CEP112: variants seen among roughly 807,000 people sequenced by gnomAD.
The protein encoded by CEP112 is centrosomal protein of 112 kDa.
CEP112 carries 127 observed loss-of-function variants against 153.0 expected under a neutral mutation model. The observed-to-expected ratio is 0.83, with a 90% CI of 0.72 to 0.96. The LOEUF (loss-of-function observed/expected upper bound fraction) is 0.96, where lower values mean the gene tolerates loss of function less well. Ranked by LOEUF, CEP112 falls within the 40% of genes least tolerant of loss-of-function variation. CEP112 has a pLI of 0.00. For synonymous variants in CEP112, 358 were observed against 374.4 expected (o/e 0.96, Z 0.51); for missense variants, 1,089 against 1,101.2 (o/e 0.99, Z 0.16).
intron 16 of CEP112, among the ~76,000 whole-genome samples, chr17:66,012,163 C>G (rs1476597885): frequency 1.3e-5 from 2 of 152,128 alleles, no homozygotes; most frequent in African/African-American, 4.8e-5. Flanking sequence ...TGGGTCTTGC[C>G]TCTTTATCCA....
intron 2 of CEP112, 145 bp from the exon 3 acceptor site, chr17:66,177,165 G>A: frequency 1.7e-6 from 1 of 593,766 alleles, no homozygotes; most frequent in East Asian, 2.9e-5. Context: ...TATACTTTAG[G>A]CTTCACAGGC....
intron 1 of CEP112, among the ~76,000 whole-genome samples, chr17:66,189,843 C>G (rs1468689411): frequency 6.6e-6 from 1 of 152,006 alleles, no homozygotes; most frequent in Non-Finnish European, 1.5e-5. Context: ...CCAGCCTGGG[C>G]AACATAGTGA....
chr17:66,042,132 T>C (rs532663769), intron 12 of CEP112, among the ~76,000 whole-genome samples: 1 of 152,294 alleles, frequency 6.6e-6, no homozygotes, highest in South Asian at 2.1e-4. Context: ...GCAGATCACC[T>C]GAGGTCAGGA....
intron 22 of CEP112, among the ~76,000 whole-genome samples, chr17:65,747,115 C>T (rs758785410): frequency 6.6e-6 from 1 of 151,270 alleles, no homozygotes; most frequent in Non-Finnish European, 1.5e-5. Flanking sequence ...TCATCTTCAA[C>T]TCATTCTATT....
At chr17:65,660,925 T>C (rs747054792) in intron 24 of CEP112, among the ~76,000 whole-genome samples, 20 of 152,180 alleles carry the variant, frequency 1.3e-4, no homozygotes, top group Non-Finnish European at 2.8e-4. Flanking sequence ...CTCCACACTG[T>C]TGCATGTTTC....
rs1030640901 is a variant in CEP112, at chr17:65,659,114, T to A, written c.2698-18049A>T. On this transcript the variant is annotated intron_variant, in intron 24 of 26. Coordinates refer to ENST00000535342, the MANE Select transcript of CEP112 (RefSeq NM_001199165.4). Reference sequence around the variant, plus strand: ...AAATAGAATGGTCTAGATAGCAGATTAATCACGACGGATTTTGGTGATCAA... The same window carrying A: ...AAATAGAATGGTCTAGATAGCAGATAAATCACGACGGATTTTGGTGATCAA... Among the ~76,000 whole-genome samples, 5 of 151,490 alleles carry A rather than the reference T, an allele frequency of 3.3e-5. No individual in the cohort carries two copies. In the East Asian group the frequency reaches 7.8e-4, roughly 24 times the overall value.
intron 6 of CEP112, among the ~76,000 whole-genome samples, chr17:66,108,161 A>G (rs1343543203): frequency 1.3e-5 from 2 of 152,202 alleles, no homozygotes; most frequent in Non-Finnish European, 2.9e-5. Context: ...AAATGTAGGA[A>G]AAACTTAAAT....
chr17:66,150,199 C>CTT (rs369271405), intron 4 of CEP112, among the ~76,000 whole-genome samples: 82 of 129,692 alleles, frequency 6.3e-4, no homozygotes, highest in Admixed American at 1.4e-3. Context: ...CGCGCCCGGC[C>CTT]TTTTTTTTTT....
chr17:66,174,327 T>C (rs1349161361), intron 4 of CEP112, among the ~76,000 whole-genome samples: 1 of 152,200 alleles, frequency 6.6e-6, no homozygotes, highest in Non-Finnish European at 1.5e-5. Context: ...CATTTCTATA[T>C]CTGTTTAAGG....
At chr17:65,950,699 C>CTATTATTATTATTATTAT (rs57598697) in intron 18 of CEP112, among the ~76,000 whole-genome samples, 18,453 of 147,044 alleles carry the variant, frequency 0.13, 1,294 homozygotes, top group South Asian at 0.2. Context: ...GGATACATTA[C>CTATTATTATTATTATTAT]TAGTAGTAGT....
intron 12 of CEP112, among the ~76,000 whole-genome samples, chr17:66,044,890 A>G (rs534679061): frequency 3.3e-5 from 5 of 152,276 alleles, no homozygotes; most frequent in African/African-American, 9.6e-5. Flanking sequence ...ATGACGAAAA[A>G]GAATGTGATG....
chr17:66,036,781 T>C (rs570638019), intron 12 of CEP112, among the ~76,000 whole-genome samples: 2 of 152,290 alleles, frequency 1.3e-5, no homozygotes, highest in Non-Finnish European at 2.9e-5. Context: ...ATTCTGCTCA[T>C]GGAATTAACA....
intron 24 of CEP112, among the ~76,000 whole-genome samples, chr17:65,649,977 TA>T (rs2045652744): frequency 6.6e-6 from 1 of 152,160 alleles, no homozygotes; most frequent in African/African-American, 2.4e-5. Context: ...AGATCAAAAT[TA>T]ATATCCTGTA....
chr17:65,790,474 A>G (rs1163181765), intron 21 of CEP112, among the ~76,000 whole-genome samples: 4 of 152,102 alleles, frequency 2.6e-5, no homozygotes, highest in Non-Finnish European at 5.9e-5. Flanking sequence ...CTGCATTTCT[A>G]TACTCTTGAA....
chr17:65,641,278 C>T (rs778257993), intron 24 of CEP112, among the ~76,000 whole-genome samples: 1 of 152,168 alleles, frequency 6.6e-6, no homozygotes, highest in South Asian at 2.1e-4. Context: ...GTCCCTGTAA[C>T]AATGCTTTAT....
intron 18 of CEP112, among the ~76,000 whole-genome samples, chr17:65,950,024 A>AT (rs1157791983): frequency 1.3e-5 from 2 of 152,112 alleles, no homozygotes; most frequent in African/African-American, 2.4e-5. Context: ...CACACACTGT[A>AT]TTTTTTAAAA....
chr17:65,820,064 T>C (rs1340199767), intron 21 of CEP112, among the ~76,000 whole-genome samples: 1 of 152,118 alleles, frequency 6.6e-6, no homozygotes, highest in African/African-American at 2.4e-5. Context: ...TGTACTATTT[T>C]TGTAACATTT....
intron 20 of CEP112, among the ~76,000 whole-genome samples, chr17:65,862,391 A>C (rs1221723991): frequency 6.6e-6 from 1 of 152,170 alleles, no homozygotes; most frequent in African/African-American, 2.4e-5. Flanking sequence ...GATCAAGACC[A>C]TCCTGGCTAA....
At chr17:65,836,454 C>T (rs908389557) in intron 21 of CEP112, among the ~76,000 whole-genome samples, 8 of 152,100 alleles carry the variant, frequency 5.3e-5, no homozygotes, top group African/African-American at 1.9e-4. Context: ...AAAAGGATAT[C>T]TCATGCAAAT....
Sources: gnomAD v4.1 joint callset for allele counts (sites outside exome capture counted in the v4.1 genomes callset) on GRCh38, gnomAD v4.1.1 for gene constraint, MANE v1.5 for transcripts, NCBI Gene and HGNC (gene_info 2026-07-23, HGNC 2026-07-21) for gene names.